Variants in CHSY3 observed in about 807,000 individuals in gnomAD.
The protein encoded by CHSY3 is N-acetylgalactosaminyl-proteoglycan 3-beta-glucuronosyltransferase 3.
Under a neutral mutation model 67.2 loss-of-function variants are expected in CHSY3, and 35 were observed. The observed-to-expected ratio is 0.52, with a 90% CI of 0.40 to 0.69. CHSY3 has a LOEUF of 0.69. CHSY3 is among the 30% of genes least tolerant of loss of function. The pLI is 0.00. For synonymous variants in CHSY3, 474 were observed against 434.7 expected, an observed-to-expected ratio of 1.09 and a Z score of -1.12; for missense variants, 1,069 against 1,138.5, an observed-to-expected ratio of 0.94 and a Z score of 0.88.
chr5:130,104,812 T>C (rs1010473800), intron 2 of CHSY3, among the ~76,000 whole-genome samples: 12 of 151,908 alleles, frequency 7.9e-5, no homozygotes, highest in Admixed American at 4.6e-4. Flanking sequence ...TGTCTTCTTA[T>C]GCTAATGAAA....
intron 2 of CHSY3, among the ~76,000 whole-genome samples, chr5:130,133,792 A>T (rs7737925): frequency 7.9e-6 from 1 of 126,578 alleles, no homozygotes; most frequent in Non-Finnish European, 1.7e-5. Flanking sequence ...AAAAAAAAAA[A>T]AAAGAAAAAA....
At chr5:129,957,598 G>T (rs1055400146) in intron 2 of CHSY3, among the ~76,000 whole-genome samples, 5 of 152,014 alleles carry the variant, frequency 3.3e-5, no homozygotes, top group African/African-American at 4.8e-5. Context: ...AGAATTTTAG[G>T]TTCAAAATAT....
At chr5:130,007,339 G>A (rs1009704135) in intron 2 of CHSY3, among the ~76,000 whole-genome samples, 1 of 152,110 alleles carries the variant, frequency 6.6e-6, no homozygotes, top group Admixed American at 6.6e-5. Flanking sequence ...GACAGGAAGA[G>A]TTTCTCCCAC....
intron 2 of CHSY3, among the ~76,000 whole-genome samples, chr5:130,160,798 G>A (rs1468298345): frequency 6.6e-6 from 1 of 152,094 alleles, no homozygotes; most frequent in African/African-American, 2.4e-5. Context: ...ACCAGTAAAG[G>A]GGTTTCACTA....
intron 2 of CHSY3, among the ~76,000 whole-genome samples, chr5:129,982,284 AAC>A (rs200300242): frequency 9.2e-5 from 14 of 151,828 alleles, no homozygotes; most frequent in South Asian, 4.2e-4. Context: ...TGTAAAAAAA[AAC>A]ACACACACAC....
intron 2 of CHSY3, among the ~76,000 whole-genome samples, chr5:130,084,093 G>A (rs889821605): frequency 6.6e-6 from 1 of 151,808 alleles, no homozygotes; most frequent in African/African-American, 2.4e-5. Context: ...TGTCGTCTGA[G>A]GGATATTTCA....
intron 2 of CHSY3, among the ~76,000 whole-genome samples, chr5:130,039,818 T>C (rs756915618): frequency 6.6e-6 from 1 of 152,108 alleles, no homozygotes; most frequent in South Asian, 2.1e-4. Flanking sequence ...CAAATGGCTT[T>C]TCCCTGTGAA....
In CHSY3 at chr5:130,018,868, C is replaced by T. The variant is rs73785855; in HGVS notation, c.1086+110508C>T. Among the ~76,000 whole-genome samples, 1,112 of 152,164 alleles carry T rather than the reference C, an allele frequency of 7.3e-3. 12 individuals carry two copies. Among genetic ancestry groups the T allele is most frequent in the African/African-American group, 0.025 (1,054 of 41,510 alleles). On this transcript the variant is annotated intron_variant, in intron 2 of 2. Coordinates refer to ENST00000305031, the MANE Select transcript of CHSY3 (RefSeq NM_175856.5). Reference sequence around the variant, plus strand: ...TCACCCTTATTACTGGCTCAGTTCTCGAGTGCATGGATTCATTTCCTTGAG... The same window carrying T: ...TCACCCTTATTACTGGCTCAGTTCTTGAGTGCATGGATTCATTTCCTTGAG...
At chr5:130,063,723 G>A (rs1248476926) in intron 2 of CHSY3, among the ~76,000 whole-genome samples, 1 of 152,054 alleles carries the variant, frequency 6.6e-6, no homozygotes, top group Non-Finnish European at 1.5e-5. Context: ...GAAGATCCAG[G>A]TGCCAGTATT....
At chr5:130,069,165 GTCA>G (rs1417484056) in intron 2 of CHSY3, among the ~76,000 whole-genome samples, 1 of 152,058 alleles carries the variant, frequency 6.6e-6, no homozygotes, top group Non-Finnish European at 1.5e-5. Context: ...GTTCAGGCCT[GTCA>G]TCATAGCCTC....
chr5:130,168,213 C>G (rs145988123), intron 2 of CHSY3, among the ~76,000 whole-genome samples: 1 of 152,104 alleles, frequency 6.6e-6, no homozygotes, highest in Non-Finnish European at 1.5e-5. Context: ...TTGGGCTTTG[C>G]TGTCATTCTC....
chr5:130,108,365 T>G (rs911268962), intron 2 of CHSY3, among the ~76,000 whole-genome samples: 1 of 151,624 alleles, frequency 6.6e-6, no homozygotes, highest in Non-Finnish European at 1.5e-5. Context: ...TTATTGTATA[T>G]ATCACATATT....
chr5:129,953,158 T>C (rs1356777496), intron 2 of CHSY3, among the ~76,000 whole-genome samples: 2 of 151,934 alleles, frequency 1.3e-5, no homozygotes, highest in Non-Finnish European at 2.9e-5. Flanking sequence ...GGTCCCAATG[T>C]GTGATGTTCC....
chr5:130,062,110 C>A (rs536951072), intron 2 of CHSY3, among the ~76,000 whole-genome samples: 4 of 150,736 alleles, frequency 2.7e-5, no homozygotes, highest in Non-Finnish European at 5.9e-5. Flanking sequence ...TCATTGCTGT[C>A]CTATTCACAA....
chr5:130,137,399 A>G (rs1399106981), intron 2 of CHSY3, among the ~76,000 whole-genome samples: 1 of 152,074 alleles, frequency 6.6e-6, no homozygotes, highest in East Asian at 1.9e-4. Context: ...AAATATTCGA[A>G]TATTTTCAGT....
rs75289999 is a variant in CHSY3 at position 129,930,492 on chromosome 5, A to T, written c.1086+22132A>T. ...ATAGATAAGCACCATAGATGTTTAAAAGGAGGCATCACTGGCGGGGGGGGG... is the reference window on the plus strand; with the variant it reads ...ATAGATAAGCACCATAGATGTTTAATAGGAGGCATCACTGGCGGGGGGGGG... On this transcript the variant is annotated intron_variant, in intron 2 of 2. Coordinates refer to ENST00000305031, the MANE Select transcript of CHSY3 (RefSeq NM_175856.5). Among the ~76,000 whole-genome samples the T allele has an allele frequency of 4.2e-3, 570 of 136,054 alleles. 9 individuals are homozygous for T. Among genetic ancestry groups the T allele is most frequent in the African/African-American group, 0.015 (536 of 35,870 alleles). The allele number at this position is 136,054 out of a possible 152,430, so 89.3% of individuals were successfully genotyped here. A position where few individuals can be genotyped will look rare whatever the true frequency, so the allele number is the denominator to read the frequency against.
intron 2 of CHSY3, among the ~76,000 whole-genome samples, chr5:130,078,280 C>A (rs1402145776): frequency 3.3e-5 from 5 of 151,912 alleles, no homozygotes; most frequent in Non-Finnish European, 5.9e-5. Context: ...TCAGAAACAC[C>A]AAATATAATT....
At chr5:129,915,938 T>C (rs559561386) in intron 2 of CHSY3, among the ~76,000 whole-genome samples, 1 of 152,304 alleles carries the variant, frequency 6.6e-6, no homozygotes, top group African/African-American at 2.4e-5. Flanking sequence ...GATCACATCC[T>C]TAGCACCACT....
At chr5:130,104,729 G>A (rs1320028559) in intron 2 of CHSY3, among the ~76,000 whole-genome samples, 2 of 151,550 alleles carry the variant, frequency 1.3e-5, no homozygotes, top group African/African-American at 2.4e-5. Context: ...TTTTGTTAAT[G>A]AATATGAATT....
Sources: allele counts gnomAD v4.1 joint callset (sites outside exome capture counted in the v4.1 genomes callset), GRCh38; gene constraint gnomAD v4.1.1; transcripts MANE v1.5; gene names NCBI Gene and HGNC (gene_info 2026-07-23, HGNC 2026-07-21).